FHOD3: variants seen among roughly 807,000 people sequenced by gnomAD.
The protein encoded by FHOD3 is formin homology 2 domain containing 3, also known as FH1/FH2 domain-containing protein 3.
Under a neutral mutation model 173.0 loss-of-function variants are expected in FHOD3, and 90 were observed. The observed-to-expected ratio is 0.52, with a 90% CI of 0.44 to 0.62. The LOEUF (loss-of-function observed/expected upper bound fraction) is 0.62. FHOD3 is among the 20% of genes least tolerant of loss of function. The probability of loss-of-function intolerance (pLI) is 0.00; values close to 1 mark genes in which losing one functional copy is unlikely to be tolerated. For missense variants in FHOD3, 1,945 were observed against 2,034.7 expected (o/e 0.96, Z 0.85); for synonymous variants, 828 against 823.0 (o/e 1.01, Z -0.10).
At chr18:36,601,311 T>G (rs573042107) in intron 7 of FHOD3, among the ~76,000 whole-genome samples, 7 of 152,352 alleles carry the variant, frequency 4.6e-5, no homozygotes, top group African/African-American at 1.7e-4. Flanking sequence ...TGAGCTACAT[T>G]TGTGCCTTTT....
At chr18:36,351,754 C>T (rs2046137649) in intron 1 of FHOD3, among the ~76,000 whole-genome samples, 1 of 152,184 alleles carries the variant, frequency 6.6e-6, no homozygotes, top group African/African-American at 2.4e-5. Flanking sequence ...AGGCAGATAC[C>T]TGGCAGGCCA....
chr18:36,772,343 C>T (rs983553004), intron 28 of FHOD3, among the ~76,000 whole-genome samples: 2 of 152,148 alleles, frequency 1.3e-5, no homozygotes, highest in Admixed American at 6.5e-5. Context: ...AAAGGAACAA[C>T]AAAAAGCAAT....
In FHOD3 at chr18:36,460,008, A is replaced by T. The variant is rs1359443745; in HGVS notation, c.338-41924A>T. On this transcript the variant is annotated intron_variant, in intron 3 of 28. Transcript: ENST00000590592. ...GCTAGTTTTGTCCAGTGCTGGTCAG[A>T]TATTGAGTAAAGTGTCCCTCGATTG... is the stretch of plus-strand genomic sequence containing the variant. Among the ~76,000 whole-genome samples the T allele has an allele frequency of 2.6e-5, 4 of 152,300 alleles. No individual in the cohort carries two copies. In the East Asian group the frequency reaches 7.7e-4, roughly 29 times the overall value.
intron 1 of FHOD3, among the ~76,000 whole-genome samples, chr18:36,349,166 G>A: frequency 6.6e-6 from 1 of 152,204 alleles, no homozygotes; most frequent in East Asian, 1.9e-4. Flanking sequence ...GCAGTTGGCA[G>A]GCTGTGAGCG....
chr18:36,605,581 C>T (rs1025121241), intron 8 of FHOD3, among the ~76,000 whole-genome samples: 3 of 152,064 alleles, frequency 2.0e-5, no homozygotes, highest in Non-Finnish European at 2.9e-5. Flanking sequence ...GAACGCTAAG[C>T]TTGTGTGAGT....
At chr18:36,314,575 A>T (rs1172073706) in intron 1 of FHOD3, among the ~76,000 whole-genome samples, 2 of 152,202 alleles carry the variant, frequency 1.3e-5, no homozygotes, top group African/African-American at 2.4e-5. Context: ...ATATTTAAGA[A>T]GTTCAGGGGC....
At chr18:36,765,161 G>A (rs1045624410) in intron 27 of FHOD3, among the ~76,000 whole-genome samples, 2 of 152,190 alleles carry the variant, frequency 1.3e-5, no homozygotes, top group African/African-American at 4.8e-5. Flanking sequence ...GGGTGATGCT[G>A]TGCTAGAAAT....
intron 3 of FHOD3, among the ~76,000 whole-genome samples, chr18:36,483,406 A>G (rs867978139): frequency 3.3e-5 from 5 of 152,190 alleles, no homozygotes; most frequent in Middle Eastern, 3.2e-3. Context: ...AAGGAGGGAA[A>G]GGAGAAGAAG....
chr18:36,728,725 G>A (rs893881745), intron 19 of FHOD3, among the ~76,000 whole-genome samples: 7 of 152,248 alleles, frequency 4.6e-5, no homozygotes, highest in African/African-American at 1.4e-4. Flanking sequence ...GTTTCTCCTC[G>A]ATGCCTCACG....
intron 14 of FHOD3, among the ~76,000 whole-genome samples, chr18:36,681,088 C>T (rs1464528948): frequency 2.0e-5 from 3 of 152,090 alleles, no homozygotes; most frequent in African/African-American, 7.2e-5. Flanking sequence ...TCTAGCTCAT[C>T]TACGTCTTAA....
intron 3 of FHOD3, among the ~76,000 whole-genome samples, chr18:36,461,499 G>A (rs1315987223): frequency 6.7e-6 from 1 of 148,902 alleles, no homozygotes; most frequent in East Asian, 2.0e-4. Context: ...TACCCTCTTT[G>A]CCCTCATGGT....
In FHOD3 at chr18:36,441,549, G is replaced by A. The variant is rs1182654127; in HGVS notation, c.338-60383G>A. ...CTGCTGCAGACTGCTGGACGTCTCT[G>A]TGGCTGTTGTAGTGGGCAGAGTCCC... On this transcript the variant is annotated intron_variant, in intron 3 of 28. Transcript: ENST00000590592. 2.0e-5 allele frequency among the ~76,000 whole-genome samples: 3 copies of A among 152,206 alleles called. No individual in the cohort carries two copies. The East Asian group carries it at 5.8e-4, about 29-fold the overall frequency.
Position 36,652,760 on chromosome 18 carries a change from G to A in FHOD3, c.1477G>A (p.Ala493Thr), listed in dbSNP as rs1440337292. Reference protein sequence around the residue: ...ATPSALLSPPASAARPSSATP... With the variant: ...ATPSALLSPPTSAARPSSATP... The stretch of plus-strand genomic sequence containing the variant: ...CCCATCTGCCCTCCTGTCACCCCCT[G>A]CCTCAGCTGCTCGGCCCTCCTCCGC... The change falls in exon 12 of 29, where the codon GCC (alanine) becomes ACC (threonine). Residue 493 changes from alanine (A) to threonine (T), a missense_variant. By Grantham distance (58) the Ala-to-Thr change is moderately conservative. This residue lies in a region of FHOD3 where 1,099 missense variants were observed against 1,051.2 expected (regional missense o/e 1.05). Coordinates refer to ENST00000590592, the MANE Select transcript of FHOD3 (RefSeq NM_001281740.3). 1 of 1,535,902 alleles carries A rather than the reference G, an allele frequency of 6.5e-7. No homozygotes were observed. The highest frequency in any genetic ancestry group is 8.7e-7 in the Non-Finnish European group (1 of 1,146,720).
intron 10 of FHOD3, among the ~76,000 whole-genome samples, chr18:36,628,921 T>C (rs1241800791): frequency 6.6e-6 from 1 of 152,254 alleles, no homozygotes; most frequent in African/African-American, 2.4e-5. Flanking sequence ...GTCCTTCTGA[T>C]ACCAAACACT....
intron 3 of FHOD3, among the ~76,000 whole-genome samples, chr18:36,461,053 G>A (rs561039495): frequency 1.3e-5 from 2 of 152,252 alleles, no homozygotes; most frequent in South Asian, 4.2e-4. Flanking sequence ...GGTTGAGAGG[G>A]AGGGACTGAA....
rs188963396 is a variant in FHOD3 at position 36,633,610 on chromosome 18, A to G, written c.1196+7861A>G. Among the ~76,000 whole-genome samples the G allele has an allele frequency of 2.9e-4, 44 of 152,352 alleles. 2 individuals are homozygous for G. The East Asian group carries it at 7.1e-3, about 25-fold the overall frequency. On this transcript the variant is annotated intron_variant, in intron 10 of 28. Coordinates refer to ENST00000590592, the MANE Select transcript of FHOD3 (RefSeq NM_001281740.3). ...GTTAAGGAGCTTGTCCCCAGATTACAGAGGCTCTGCTGGGTTGGGACCCAG... is the reference window on the plus strand; with the variant it reads ...GTTAAGGAGCTTGTCCCCAGATTACGGAGGCTCTGCTGGGTTGGGACCCAG...
intron 6 of FHOD3, among the ~76,000 whole-genome samples, chr18:36,586,904 A>G (rs1040988002): frequency 3.3e-5 from 5 of 152,172 alleles, no homozygotes; most frequent in African/African-American, 1.2e-4. Flanking sequence ...TCTTACTGAC[A>G]AAGCCAGTCC....
At chr18:36,685,139 A>G (rs765496817) in intron 15 of FHOD3, among the ~76,000 whole-genome samples, 6 of 152,306 alleles carry the variant, frequency 3.9e-5, no homozygotes, top group Non-Finnish European at 7.4e-5. Context: ...TGTTATTCAT[A>G]TGTATATGTT....
chr18:36,683,401 T>C (rs775445198), intron 15 of FHOD3, among the ~76,000 whole-genome samples: 3 of 152,230 alleles, frequency 2.0e-5, no homozygotes, highest in Non-Finnish European at 2.9e-5. Flanking sequence ...ATTCACTCCA[T>C]CCTGTCTCTC....
Sources: gnomAD v4.1 joint callset for allele counts (sites outside exome capture counted in the v4.1 genomes callset) on GRCh38, gnomAD v4.1.1 for gene constraint, gnomAD v4.1.1 regional missense constraint, MANE v1.5 for transcripts, NCBI Gene and HGNC (gene_info 2026-07-23, HGNC 2026-07-21) for gene names.